Variants in RAD51B observed in about 807,000 individuals in gnomAD.
RAD51B encodes the protein DNA repair protein RAD51 homolog 2.
Under a neutral mutation model 42.2 loss-of-function variants are expected in RAD51B, and 38 were observed. The observed-to-expected ratio is 0.90, with a 90% CI of 0.70 to 1.18. The LOEUF (loss-of-function observed/expected upper bound fraction) is 1.18, where lower values mean the gene tolerates loss of function less well. Among genes scored for constraint, RAD51B ranks in the 50% most tolerant of loss-of-function variants. The pLI is 0.00. For synonymous variants in RAD51B, 154 were observed against 145.2 expected (o/e 1.06, Z -0.43); for missense variants, 373 against 400.7 (o/e 0.93, Z 0.59).
intron 10 of RAD51B, chr14:68,562,604 T>A: frequency 1.0e-6 from 1 of 985,370 alleles, no homozygotes. Context: ...GAGGCAGCAA[T>A]ATTATTGTTA....
At chr14:68,434,094 T>C (rs1322101772) in intron 9 of RAD51B, among the ~76,000 whole-genome samples, 1 of 152,164 alleles carries the variant, frequency 6.6e-6, no homozygotes, top group East Asian at 1.9e-4. Flanking sequence ...GCCTCATCGT[T>C]CCTCTGGAAG....
At chr14:68,653,968 T>C (rs1892757009) in intron 11 of RAD51B, among the ~76,000 whole-genome samples, 1 of 152,222 alleles carries the variant, frequency 6.6e-6, no homozygotes, top group South Asian at 2.1e-4. Flanking sequence ...CCCCAGTGTC[T>C]AAAGGGCCTT....
chr14:68,359,743 G>A (rs952762908), intron 8 of RAD51B, among the ~76,000 whole-genome samples: 1 of 152,332 alleles, frequency 6.6e-6, no homozygotes, highest in East Asian at 1.9e-4. Flanking sequence ...TTGTAGGGGG[G>A]CAGTGTTTTT....
chr14:67,826,678 TTTTC>T (rs1566910189), intron 3 of RAD51B, among the ~76,000 whole-genome samples: 2 of 152,024 alleles, frequency 1.3e-5, no homozygotes, highest in Non-Finnish European at 2.9e-5. Flanking sequence ...ACAACAGATA[TTTTC>T]TTTCTTTTTT....
intron 7 of RAD51B, among the ~76,000 whole-genome samples, chr14:67,903,451 G>T (rs779076176): frequency 3.9e-5 from 6 of 152,014 alleles, no homozygotes; most frequent in Non-Finnish European, 7.4e-5. Flanking sequence ...GAAATAGTCT[G>T]CTTTCAAGAC....
chr14:68,440,492 C>G (rs902571920), intron 9 of RAD51B, among the ~76,000 whole-genome samples: 2 of 152,206 alleles, frequency 1.3e-5, no homozygotes, highest in Non-Finnish European at 2.9e-5. Flanking sequence ...CGCTTGTAAT[C>G]CCAGCACTCT....
At chr14:68,272,730 G>A (rs1226087811) in intron 7 of RAD51B, among the ~76,000 whole-genome samples, 1 of 107,956 alleles carries the variant, frequency 9.3e-6, no homozygotes, top group Non-Finnish European at 1.8e-5. Flanking sequence ...CTGTCACCCA[G>A]GCTATAGTGC....
At chr14:68,219,519 G>A (rs551767067) in intron 7 of RAD51B, among the ~76,000 whole-genome samples, 3 of 152,204 alleles carry the variant, frequency 2.0e-5, no homozygotes, top group East Asian at 3.9e-4. Flanking sequence ...ATCACAGGAC[G>A]CTTTGCAGAC....
intron 10 of RAD51B, among the ~76,000 whole-genome samples, chr14:68,570,504 C>G (rs1449987214): frequency 6.6e-6 from 1 of 152,190 alleles, no homozygotes; most frequent in African/African-American, 2.4e-5. Context: ...AACAGATTCC[C>G]ATCAACTGTT....
At chr14:68,128,576 C>A (rs955179951) in intron 7 of RAD51B, among the ~76,000 whole-genome samples, 6 of 152,058 alleles carry the variant, frequency 3.9e-5, no homozygotes, top group Admixed American at 1.3e-4. Flanking sequence ...CCTGTAGCCC[C>A]AGCTACACGG....
intron 7 of RAD51B, among the ~76,000 whole-genome samples, chr14:68,193,494 G>T (rs1488795065): frequency 6.6e-6 from 1 of 152,102 alleles, no homozygotes; most frequent in African/African-American, 2.4e-5. Context: ...TCTCATAACT[G>T]GATGGAAACA....
At chr14:68,455,709 G>T (rs952218981) in intron 9 of RAD51B, among the ~76,000 whole-genome samples, 4 of 152,062 alleles carry the variant, frequency 2.6e-5, no homozygotes, top group African/African-American at 9.7e-5. Context: ...GACAGAGCGA[G>T]ACTCTGTCTC....
At chr14:68,225,681 A>G (rs1460649404) in intron 7 of RAD51B, among the ~76,000 whole-genome samples, 3 of 152,224 alleles carry the variant, frequency 2.0e-5, no homozygotes, top group Admixed American at 6.5e-5. Context: ...GGAAAGAACT[A>G]TGAAGGAATT....
chr14:68,554,908 G>A (rs933093286), intron 10 of RAD51B, among the ~76,000 whole-genome samples: 2 of 151,362 alleles, frequency 1.3e-5, no homozygotes, highest in African/African-American at 2.4e-5. Context: ...GAGTGCAGTG[G>A]CATAATCTCA....
chr14:68,515,443 CT>C (rs59782915), intron 10 of RAD51B, among the ~76,000 whole-genome samples: 46 of 52,746 alleles, frequency 8.7e-4, no homozygotes, highest in Admixed American at 3.3e-3. Flanking sequence ...TCTTCTTCTT[CT>C]TTTTTTTTTT....
chr14:68,014,947 C>T lies in RAD51B; in HGVS notation c.756+127743C>T, dbSNP rs145978729. Among the ~76,000 whole-genome samples, 17 of 151,646 alleles carry T rather than the reference C, an allele frequency of 1.1e-4. No homozygotes were observed. In the East Asian group the frequency reaches 2.7e-3, roughly 24 times the overall value. ...CCAAACCCTACCCACTAGGGCCACC[C>T]GGGATGCTTTGTTTATTTGAGAGGG... On this transcript the variant is annotated intron_variant, in intron 7 of 10. Coordinates refer to ENST00000471583, the MANE Select transcript of RAD51B (RefSeq NM_133510.4).
At chr14:68,660,585 T>G in intron 11 of RAD51B, among the ~76,000 whole-genome samples, 1 of 152,164 alleles carries the variant, frequency 6.6e-6, no homozygotes. Flanking sequence ...GACACGGGGT[T>G]CCAGAGCATG....
In RAD51B at chr14:67,835,164, C is replaced by G. The variant is rs779598411; in HGVS notation, c.283C>G (p.His95Asp). 2 of 1,613,948 alleles carry G rather than the reference C, an allele frequency of 1.2e-6. No individual in the cohort carries two copies. The highest frequency in any genetic ancestry group is 1.7e-6 in the Non-Finnish European group (2 of 1,179,860). ...CCTTTCTGCTTTGGACGAAGCCCTG[C>G]ATGGTGGTGTGGCTTGTGGATCCCT... Reference protein sequence around the residue: ...TTLSALDEALHGGVACGSLTE... With the variant: ...TTLSALDEALDGGVACGSLTE... The change falls in exon 4 of 11, where the codon CAT becomes GAT. Residue 95 changes from histidine to aspartate, a missense_variant. Coordinates refer to ENST00000471583, the MANE Select transcript of RAD51B (RefSeq NM_133510.4).
intron 11 of RAD51B, among the ~76,000 whole-genome samples, chr14:68,661,834 C>T (rs1892939840): frequency 6.6e-6 from 1 of 152,214 alleles, no homozygotes; most frequent in African/African-American, 2.4e-5. Context: ...GCAGGTTGTG[C>T]TCTAGGCTGG....
Sources: allele counts gnomAD v4.1 joint callset (sites outside exome capture counted in the v4.1 genomes callset), GRCh38; gene constraint gnomAD v4.1.1; transcripts MANE v1.5; gene names NCBI Gene and HGNC (gene_info 2026-07-23, HGNC 2026-07-21).